Variants in ICE1 observed in about 807,000 individuals in gnomAD.
ICE1 encodes the protein little elongation complex subunit 1.
Under a neutral mutation model 192.7 loss-of-function variants are expected in ICE1, and 64 were observed. The ratio of observed to expected loss-of-function variants is 0.33; its 90% confidence interval spans 0.27 to 0.41. The LOEUF is 0.41. Among genes scored for constraint, ICE1 ranks in the 10% least tolerant of loss-of-function variants. ICE1 has a pLI of 1.00. For synonymous variants in ICE1, 1,010 were observed against 984.5 expected, an observed-to-expected ratio of 1.03 and a Z score of -0.49; for missense variants, 2,708 against 2,696.0, an observed-to-expected ratio of 1.00 and a Z score of -0.10.
chr5:5,442,526 C>T (rs914375143), intron 5 of ICE1, among the ~76,000 whole-genome samples: 1 of 152,188 alleles, frequency 6.6e-6, no homozygotes, highest in Admixed American at 6.5e-5. Flanking sequence ...TGGAGTTAGA[C>T]CTTAATGATA....
At chr5:5,436,724 A>G (rs1201313863) in intron 2 of ICE1, among the ~76,000 whole-genome samples, 1 of 152,184 alleles carries the variant, frequency 6.6e-6, no homozygotes, top group Non-Finnish European at 1.5e-5. Flanking sequence ...CTTCTTAAAA[A>G]ATCTGTTTTC....
Position 5,460,465 on chromosome 5 carries a change from C to T in ICE1, c.1131C>T (p.Ser377=), listed in dbSNP as rs1738734459. 1 of 1,599,482 alleles carries T rather than the reference C, an allele frequency of 6.3e-7. No individual in the cohort carries two copies. Among genetic ancestry groups the T allele is most frequent in the Non-Finnish European group, 8.5e-7 (1 of 1,172,670 alleles). The part of the protein sequence containing the change: ...PETYFGEYTD[S]SDNDSVQLRN... ...CCTACTTTGGAGAATACACAGATTC[C>T]AGCGATAATGACTCAGTCCAGCTTA... Residue 377 remains serine, a synonymous_variant, in exon 13 of 19, where the codon TCC becomes TCT. Transcript: ENST00000296564.
At chr5:5,447,972 C>T (rs1738290653) in intron 10 of ICE1, 75 bp downstream of exon 10, 1 of 1,179,308 alleles carries the variant, frequency 8.5e-7, no homozygotes, top group Non-Finnish European at 1.2e-6. Flanking sequence ...TTTGCTCCTA[C>T]ATATAATTGT....
At chr5:5,477,098 A>G (rs1333093794) in intron 17 of ICE1, among the ~76,000 whole-genome samples, 1 of 151,926 alleles carries the variant, frequency 6.6e-6, no homozygotes, top group Non-Finnish European at 1.5e-5. Context: ...CTTGTCTTCA[A>G]CAAGCTGCTG....
At chr5:5,432,274 C>T (rs1469548916) in intron 1 of ICE1, among the ~76,000 whole-genome samples, 1 of 152,178 alleles carries the variant, frequency 6.6e-6, no homozygotes, top group Non-Finnish European at 1.5e-5. Context: ...TATGAATGGA[C>T]TCTAGAATAC....
chr5:5,447,182 G>T (rs79960169), intron 7 of ICE1, among the ~76,000 whole-genome samples: 1,792 of 152,252 alleles, frequency 0.012, 84 homozygotes, highest in Admixed American at 0.08. Context: ...GCTGTGCCTG[G>T]TTTGGAAAGA....
In ICE1 at chr5:5,437,130, C is replaced by G; in HGVS notation, c.178+16C>G. On this transcript the variant is annotated intron_variant, in intron 3 of 18. Coordinates refer to ENST00000296564, the MANE Select transcript of ICE1 (RefSeq NM_015325.3). ...AAATGTGATGATATCCTTTTACTGG[C>G]TTTTTCTGTTGAGTTTTGGAACTAA... is the stretch of plus-strand genomic sequence containing the variant. The G allele has an allele frequency of 6.5e-7, 1 of 1,528,770 alleles. No individual in the cohort carries two copies. The highest frequency in any genetic ancestry group is 8.9e-7 in the Non-Finnish European group (1 of 1,122,156). The allele number at this position is 1,528,770 out of a possible 1,614,324, so 94.7% of individuals were successfully genotyped here. A position where few individuals can be genotyped will look rare whatever the true frequency, so the allele number is the denominator to read the frequency against.
At chr5:5,473,786 T>C (rs986395331) in intron 16 of ICE1, 38 bp downstream of exon 16, 20 of 1,431,434 alleles carry the variant, frequency 1.4e-5, no homozygotes, top group African/African-American at 4.4e-5. Flanking sequence ...GATATGTTAT[T>C]GTAAGGTTGA....
chr5:5,435,709 A>AC (rs1554013189), intron 1 of ICE1, among the ~76,000 whole-genome samples: 1 of 136,284 alleles, frequency 7.3e-6, no homozygotes, highest in Non-Finnish European at 1.5e-5. Context: ...ATGGAATCTC[A>AC]CTGTCACTGG....
chr5:5,451,925 A>C (rs368838115), intron 10 of ICE1, among the ~76,000 whole-genome samples: 1 of 152,114 alleles, frequency 6.6e-6, no homozygotes, highest in East Asian at 1.9e-4. Flanking sequence ...ATACCAAATA[A>C]AATTTTAAGA....
At chr5:5,429,404 A>G (rs1737630956) in intron 1 of ICE1, among the ~76,000 whole-genome samples, 1 of 152,092 alleles carries the variant, frequency 6.6e-6, no homozygotes, top group Non-Finnish European at 1.5e-5. Flanking sequence ...CTTGCTAAGG[A>G]TCGTGTTCTC....
chr5:5,457,296 T>C, intron 11 of ICE1, 36 bp from the exon 12 acceptor site: 1 of 1,529,698 alleles, frequency 6.5e-7, no homozygotes, highest in Non-Finnish European at 8.8e-7. Context: ...CTTGATATTG[T>C]AAATACCTGA....
rs1352839309 is a variant in ICE1 at position 5,464,483 on chromosome 5, T to G, written c.5149T>G (p.Cys1717Gly). 1 of 1,613,948 alleles carries G rather than the reference T, an allele frequency of 6.2e-7. No homozygotes were observed. Among genetic ancestry groups the G allele is most frequent in the Admixed American group, 1.7e-5 (1 of 60,026 alleles). Residue 1717 changes from cysteine (C) to glycine (G), a missense_variant, in exon 13 of 19, where the codon TGT (cysteine) becomes GGT (glycine). Cys to Gly is a radical substitution (Grantham distance 159). Coordinates refer to ENST00000296564, the MANE Select transcript of ICE1 (RefSeq NM_015325.3). This position sits in a 1 kb window ranked among gnomAD's most constrained non-coding sequence, Gnocchi z 4.0. ...GGTAGTGCCGTCTCCTCTGCAGTTCTGTGCGGCCACGCCGAAGCACGCACT... is the reference window on the plus strand; with the variant it reads ...GGTAGTGCCGTCTCCTCTGCAGTTCGGTGCGGCCACGCCGAAGCACGCACT... The part of the protein sequence containing the change: ...ERVVPSPLQF[C>G]AATPKHALPV...
intron 4 of ICE1, among the ~76,000 whole-genome samples, chr5:5,440,152 G>A (rs1432466271): frequency 1.3e-5 from 2 of 152,194 alleles, no homozygotes; most frequent in East Asian, 1.9e-4. Flanking sequence ...TCACTTTTGA[G>A]TAACTTGTAC....
chr5:5,432,790 AAATAT>A (rs1476077939), intron 1 of ICE1, among the ~76,000 whole-genome samples: 8 of 152,180 alleles, frequency 5.3e-5, no homozygotes, highest in South Asian at 2.1e-4. Context: ...CTTGTTTCGC[AAATAT>A]AATATTATTT....
Position 5,422,706 on chromosome 5 carries a change from G to A in ICE1, c.-210G>A. The A allele has an allele frequency of 2.8e-6, 1 of 351,358 alleles. No individual in the cohort carries two copies. Among genetic ancestry groups the A allele is most frequent in the Middle Eastern group, 7.7e-4 (1 of 1,302 alleles). 21.8% of individuals were successfully genotyped at this position (351,358 alleles called of 1,614,324 possible). ...TGCGTCGCGCTCGGGGGCCGCGCCG[G>A]GTAGCGTTTCTTTTTAGTGCCTGAG... On this transcript the variant is annotated 5_prime_UTR_variant, in exon 1 of 19. Coordinates refer to ENST00000296564, the MANE Select transcript of ICE1 (RefSeq NM_015325.3).
chr5:5,486,265 C>G (rs557453913), intron 17 of ICE1, among the ~76,000 whole-genome samples: 65 of 152,306 alleles, frequency 4.3e-4, no homozygotes, highest in African/African-American at 1.4e-3. Context: ...GTAGTTTGAT[C>G]TGCTGTGGCT....
rs1231163248 is a variant in ICE1, at chr5:5,461,313, C to T, written c.1979C>T (p.Thr660Ile). The T allele has an allele frequency of 6.2e-7, 1 of 1,613,740 alleles. No homozygotes were observed. Among genetic ancestry groups the T allele is most frequent in the Non-Finnish European group, 8.5e-7 (1 of 1,179,828 alleles). The change falls in exon 13 of 19, where the codon ACT (threonine) becomes ATT (isoleucine). Residue 660 changes from threonine (T) to isoleucine (I), a missense_variant. Around this residue, in one of 2 missense-constraint regions of ICE1, gnomAD observed 2,366 missense variants for 2,276.6 expected, o/e 1.04. Coordinates refer to ENST00000296564, the MANE Select transcript of ICE1 (RefSeq NM_015325.3). ...GLDCGNDTDI[T>I]TKVFSTEPHH... is the part of the protein sequence containing the mutation. ...GACTGTGGTAATGATACAGATATTA[C>T]TACTAAAGTATTCTCTACTGAACCG...
intron 10 of ICE1, among the ~76,000 whole-genome samples, chr5:5,453,556 T>TA (rs1314485640): frequency 6.6e-6 from 1 of 152,176 alleles, no homozygotes. Flanking sequence ...TAAGGTTAAT[T>TA]AAAAAACTTA....
Sources: allele counts gnomAD v4.1 joint callset (sites outside exome capture counted in the v4.1 genomes callset), GRCh38; gene constraint gnomAD v4.1.1; regional missense constraint gnomAD v4.1.1; non-coding constraint Gnocchi (gnomAD v3.1); transcripts MANE v1.5; gene names NCBI Gene and HGNC (gene_info 2026-07-23, HGNC 2026-07-21).